Variants in GRIP1 observed in about 807,000 individuals in gnomAD.
GRIP1 encodes glutamate receptor-interacting protein 1.
Under a neutral mutation model 129.9 loss-of-function variants are expected in GRIP1, and 45 were observed. The observed-to-expected ratio is 0.35, with a 90% CI of 0.27 to 0.44. The LOEUF is 0.44. Ranked by LOEUF, GRIP1 falls within the 20% of genes least tolerant of loss-of-function variation. The pLI, the probability that GRIP1 is intolerant of heterozygous loss-of-function variation, is 1.00. For synonymous variants in GRIP1, 530 were observed against 520.8 expected (o/e 1.02, Z -0.24); for missense variants, 1,196 against 1,396.8 (o/e 0.86, Z 2.29).
intron 1 of GRIP1, among the ~76,000 whole-genome samples, chr12:67,049,453 A>C (rs1044330911): frequency 1.3e-5 from 2 of 152,180 alleles, no homozygotes; most frequent in South Asian, 2.1e-4. Flanking sequence ...CTGCAAACTA[A>C]CACAGGAACA....
chr12:66,425,044 CAG>C (rs55877701), intron 14 of GRIP1, among the ~76,000 whole-genome samples: 2,173 of 152,252 alleles, frequency 0.014, 33 homozygotes, highest in Non-Finnish European at 0.021. Context: ...GCACATTCTC[CAG>C]TAGCTTCTGA....
chr12:67,046,159 G>C (rs557974836), intron 1 of GRIP1, among the ~76,000 whole-genome samples: 1 of 152,088 alleles, frequency 6.6e-6, no homozygotes, highest in Non-Finnish European at 1.5e-5. Flanking sequence ...CCCACTTCCC[G>C]ACTGAGTTCA....
rs1437664867 is a variant in GRIP1, at chr12:66,379,289, G to T, written c.2612C>A (p.Thr871Lys). The T allele has an allele frequency of 6.2e-7, 1 of 1,613,838 alleles. No individual in the cohort carries two copies. Among genetic ancestry groups the T allele is most frequent in the Non-Finnish European group, 8.5e-7 (1 of 1,179,854 alleles). The change falls in exon 20 of 25, where the codon ACA (threonine) becomes AAA (lysine). Residue 871 changes from threonine to lysine, a missense_variant. Physicochemically the swap from Thr to Lys is moderately conservative, Grantham distance 78. This residue lies in a region of GRIP1 where 427 missense variants were observed against 463.3 expected (regional missense o/e 0.92). Coordinates refer to ENST00000359742, the MANE Select transcript of GRIP1 (RefSeq NM_001366722.1). ...TGGTTGAAAACCTTACCCACTGGCT[G>T]TGGACCGGTCCCAGTCTTCATAACT... ...GLSYEDWDRS[T>K]ASGFAGAADS... is the part of the protein sequence containing the mutation.
At chr12:66,693,045 TA>T (rs763114902) in intron 1 of GRIP1, among the ~76,000 whole-genome samples, 6 of 152,276 alleles carry the variant, frequency 3.9e-5, no homozygotes, top group Non-Finnish European at 7.3e-5. Flanking sequence ...GCTTGATACA[TA>T]AAAAGTGCTA....
chr12:66,674,189 G>T (rs2034216084), intron 1 of GRIP1, among the ~76,000 whole-genome samples: 1 of 152,148 alleles, frequency 6.6e-6, no homozygotes. Flanking sequence ...CCCAGATGAT[G>T]ATCAGTTCTG....
rs562329151 is a variant in GRIP1 at position 66,540,308 on chromosome 12, T to C, written c.273-1085A>G. ...TTCAAAATGGTAGTGCCTTTAACAG[T>C]GACTATTTGGTGATTTTTAATTCTC... On this transcript the variant is annotated intron_variant, in intron 3 of 24. Transcript: ENST00000359742. Among the ~76,000 whole-genome samples, 4 of 152,334 alleles carry C rather than the reference T, an allele frequency of 2.6e-5. No homozygotes were observed. The South Asian group carries it at 8.3e-4, about 32-fold the overall frequency.
chr12:66,379,574 G>A, intron 19 of GRIP1, 138 bp from the exon 20 acceptor site: 2 of 882,384 alleles, frequency 2.3e-6, no homozygotes. Context: ...TGTGCTTATT[G>A]TGCACCAAAG....
At chr12:66,649,645 G>T (rs1045429994) in intron 1 of GRIP1, among the ~76,000 whole-genome samples, 4 of 152,216 alleles carry the variant, frequency 2.6e-5, no homozygotes, top group Non-Finnish European at 4.4e-5. Context: ...CCCAAGAGTG[G>T]CTGAAACACA....
Position 66,566,704 on chromosome 12 carries a change from G to A in GRIP1, c.137-24754C>T, listed in dbSNP as rs572816776. Among the ~76,000 whole-genome samples the A allele has an allele frequency of 5.9e-5, 9 of 152,298 alleles. No individual in the cohort carries two copies. The East Asian group carries it at 1.7e-3, about 29-fold the overall frequency. On this transcript the variant is annotated intron_variant, in intron 2 of 24. Coordinates refer to ENST00000359742, the MANE Select transcript of GRIP1 (RefSeq NM_001366722.1). Reference sequence around the variant, plus strand: ...AATAGTTTCAGAAGGAATGGTACCAGCTGTTGTTTGTATCCCTGGTAAAAT... The same window carrying A: ...AATAGTTTCAGAAGGAATGGTACCAACTGTTGTTTGTATCCCTGGTAAAAT...
intron 2 of GRIP1, among the ~76,000 whole-genome samples, chr12:66,584,560 A>G (rs1360492298): frequency 6.6e-6 from 1 of 152,134 alleles, no homozygotes; most frequent in Admixed American, 6.5e-5. Flanking sequence ...GAAATAAATA[A>G]AATAAAATAT....
intron 1 of GRIP1, among the ~76,000 whole-genome samples, chr12:67,043,164 A>G (rs1475169854): frequency 6.6e-6 from 1 of 152,170 alleles, no homozygotes; most frequent in African/African-American, 2.4e-5. Context: ...TTGCAGTTCT[A>G]TGGCCATCAT....
At chr12:66,715,236 A>G (rs1194324748) in intron 1 of GRIP1, among the ~76,000 whole-genome samples, 1 of 151,904 alleles carries the variant, frequency 6.6e-6, no homozygotes, top group East Asian at 1.9e-4. Context: ...GGTTAACTTT[A>G]TATTTGGCCC....
intron 1 of GRIP1, among the ~76,000 whole-genome samples, chr12:66,665,951 T>C (rs1229155745): frequency 6.6e-6 from 1 of 152,194 alleles, no homozygotes; most frequent in African/African-American, 2.4e-5. Flanking sequence ...GTCCTTTTAA[T>C]TGTAGTTTTC....
At chr12:66,701,977 G>A (rs1409792621) in intron 1 of GRIP1, among the ~76,000 whole-genome samples, 1 of 152,140 alleles carries the variant, frequency 6.6e-6, no homozygotes, top group Admixed American at 6.5e-5. Context: ...ATGTTATAGT[G>A]AATACAGTCA....
intron 1 of GRIP1, among the ~76,000 whole-genome samples, chr12:66,959,842 C>T (rs548552573): frequency 6.6e-6 from 1 of 151,990 alleles, no homozygotes; most frequent in East Asian, 1.9e-4. Context: ...GTTTAATTAG[C>T]TTAATATAAG....
At chr12:66,651,120 A>G (rs1208971917) in intron 1 of GRIP1, among the ~76,000 whole-genome samples, 2 of 152,200 alleles carry the variant, frequency 1.3e-5, no homozygotes, top group Non-Finnish European at 2.9e-5. Flanking sequence ...GTTTCCTATC[A>G]TGATGCATAT....
At chr12:66,609,751 C>G (rs955098636) in intron 1 of GRIP1, among the ~76,000 whole-genome samples, 1 of 152,116 alleles carries the variant, frequency 6.6e-6, no homozygotes, top group Non-Finnish European at 1.5e-5. Context: ...GATTTTGGAG[C>G]ATTATACTCA....
intron 1 of GRIP1, among the ~76,000 whole-genome samples, chr12:66,780,658 G>A (rs924422539): frequency 6.6e-6 from 1 of 152,220 alleles, no homozygotes; most frequent in African/African-American, 2.4e-5. Flanking sequence ...TTCCCATTGA[G>A]TGATGAGGTC....
intron 9 of GRIP1, among the ~76,000 whole-genome samples, chr12:66,459,930 C>A (rs2059085046): frequency 6.6e-6 from 1 of 152,180 alleles, no homozygotes. Context: ...GACATTCTCT[C>A]ATTTAATAAA....
Sources: gnomAD v4.1 joint callset for allele counts (sites outside exome capture counted in the v4.1 genomes callset) on GRCh38, gnomAD v4.1.1 for gene constraint, gnomAD v4.1.1 regional missense constraint, MANE v1.5 for transcripts, NCBI Gene and HGNC (gene_info 2026-07-23, HGNC 2026-07-21) for gene names.